RRP9: variants seen among roughly 807,000 people sequenced by gnomAD.
The protein encoded by RRP9 is ribosomal RNA processing 9, U3 small nucleolar RNA binding protein.
A neutral mutation model predicts 65.5 loss-of-function variants in RRP9; 35 were observed. The observed-to-expected ratio is 0.53, with a 90% CI of 0.41 to 0.71. RRP9 has a LOEUF of 0.71. Ranked by LOEUF, RRP9 falls within the 30% of genes least tolerant of loss-of-function variation. The pLI is 0.00. For synonymous variants in RRP9, 254 were observed against 245.0 expected, an observed-to-expected ratio of 1.04 and a Z score of -0.34; for missense variants, 533 against 633.6, an observed-to-expected ratio of 0.84 and a Z score of 1.70.
At chr3:51,936,398 TC>T (rs764509032) in intron 7 of RRP9, 32 bp downstream of exon 7, 2 of 1,613,994 alleles carry the variant, frequency 1.2e-6, no homozygotes, top group Non-Finnish European at 1.7e-6. Flanking sequence ...GCACCAGACC[TC>T]CCGCCTGCCC....
intron 14 of RRP9, 21 bp from the exon 15 acceptor site, chr3:51,933,620 A>C: frequency 6.2e-7 from 1 of 1,612,968 alleles, no homozygotes; most frequent in Middle Eastern, 1.7e-4. Flanking sequence ...TGCAAGACGC[A>C]GCTGAGACTC....
intron 2 of RRP9, among the ~76,000 whole-genome samples, chr3:51,940,930 T>C (rs1248871086): frequency 6.6e-6 from 1 of 152,178 alleles, no homozygotes; most frequent in Non-Finnish European, 1.5e-5. Flanking sequence ...CAAGACCCTA[T>C]TTAAATGTCC....
At position 51,933,727 on chromosome 3, in the gene RRP9, C is replaced by A; in HGVS notation, c.1315G>T (p.Gly439Trp). Residue 439 changes from glycine (G) to tryptophan (W), a missense_variant, in exon 14 of 15, where the codon GGG becomes TGG. Physicochemically the swap from Gly to Trp is radical, Grantham distance 184. Around this residue, in one of 3 missense-constraint regions of RRP9, gnomAD observed 449 missense variants for 550.6 expected, o/e 0.82. Transcript: ENST00000232888. ...FSSSGDFLVA[G>W]VGQEHRLGRW... ...ACATACCTGTGCTCCTGCCCTACCCCAGCCACCAGGAAGTCCCCAGAGCTG... is the reference window on the plus strand; with the variant it reads ...ACATACCTGTGCTCCTGCCCTACCCAAGCCACCAGGAAGTCCCCAGAGCTG... 1.2e-6 allele frequency: 2 copies of A among 1,614,138 alleles called. No homozygotes were observed. Among genetic ancestry groups the A allele is most frequent in the Non-Finnish European group, 1.7e-6 (2 of 1,180,008 alleles).
intron 2 of RRP9, 122 bp from the exon 3 acceptor site, chr3:51,938,326 C>G: frequency 1.4e-6 from 1 of 708,576 alleles, no homozygotes. Flanking sequence ...CCCACATGGT[C>G]GGTGACTACA....
rs969262018 is a variant in RRP9, at chr3:51,937,115, A to G, written c.517+77T>C. On this transcript the variant is annotated intron_variant, in intron 6 of 14. Coordinates refer to ENST00000232888, the MANE Select transcript of RRP9 (RefSeq NM_004704.5). This position sits in a 1 kb window ranked among gnomAD's most constrained non-coding sequence, Gnocchi z 5.0. ...TCCCCACTTCAGGGCTCAGCCTGCC[A>G]TGACCACTCCCACTCCCCTGACCAG... 6.4e-7 allele frequency: 1 copy of G among 1,566,996 alleles called. No homozygotes were observed. The highest frequency in any genetic ancestry group is 8.7e-7 in the Non-Finnish European group (1 of 1,147,666).
At position 51,937,568 on chromosome 3, in the gene RRP9, G is replaced by T; in HGVS notation, c.367C>A (p.Leu123Met). The T allele has an allele frequency of 6.2e-7, 1 of 1,614,208 alleles. No individual in the cohort carries two copies. Among genetic ancestry groups the T allele is most frequent in the Non-Finnish European group, 8.5e-7 (1 of 1,180,042 alleles). ...ACCTCTTTTGCCACCAACTTCTGCA[G>T]CCTGCCCCTCTGCTCAAGCTGCATG... is the stretch of plus-strand genomic sequence containing the variant. ...KEDVLEQRGR[L>M]QKLVAKEIQA... The change falls in exon 5 of 15, where the codon CTG becomes ATG. Residue 123 changes from leucine to methionine, a missense_variant. By Grantham distance (15) the Leu-to-Met change is conservative (BLOSUM62 2). Transcript: ENST00000232888. This position sits in a 1 kb window ranked among gnomAD's most constrained non-coding sequence, Gnocchi z 5.0.
chr3:51,938,353 G>A, intron 2 of RRP9, 149 bp from the exon 3 acceptor site: 1 of 626,600 alleles, frequency 1.6e-6, no homozygotes, highest in Non-Finnish European at 2.7e-6. Context: ...AAAACTGAAG[G>A]ATGTGACTCC....
rs1465744956 is a variant in RRP9, at chr3:51,938,174, C to G, written c.201G>C (p.Glu67Asp). ...SLAPRKPEEE[E>D]EEELEETAQE... The stretch of plus-strand genomic sequence containing the variant: ...GTGCAGTTTCCTCCAGCTCCTCCTC[C>G]TCCTCCTCCTCAGGCTTCCTTGGAG... Residue 67 changes from glutamate (E) to aspartate (D), a missense_variant, in exon 3 of 15, where the codon GAG becomes GAC. Physicochemically the swap from Glu to Asp is conservative, Grantham distance 45. Coordinates refer to ENST00000232888, the MANE Select transcript of RRP9 (RefSeq NM_004704.5). 6.3e-7 allele frequency: 1 copy of G among 1,584,260 alleles called. No individual in the cohort carries two copies. Among genetic ancestry groups the G allele is most frequent in the Non-Finnish European group, 8.6e-7 (1 of 1,167,552 alleles).
chr3:51,941,638 C>T, intron 1 of RRP9, 143 bp downstream of exon 1: 2 of 1,092,842 alleles, frequency 1.8e-6, no homozygotes, highest in Non-Finnish European at 2.7e-6. Flanking sequence ...TAGGATTTGG[C>T]CCGCGGAGAG....
rs746730765 is a variant in RRP9 at position 51,937,153 on chromosome 3, C to T, written c.517+39G>A. 1.7e-5 allele frequency: 27 copies of T among 1,608,762 alleles called. No individual in the cohort carries two copies. Among genetic ancestry groups the T allele is most frequent in the East Asian group, 1.3e-4 (6 of 44,780 alleles). On this transcript the variant is annotated intron_variant, in intron 6 of 14. Transcript: ENST00000232888. The surrounding 1 kb of genome is among the most constrained non-coding windows in gnomAD (Gnocchi z 5.0). The stretch of plus-strand genomic sequence containing the variant: ...CTCCCCTGACCAGCCCTCCCGGATC[C>T]GCCATGGGGGCTCCAGCCCCACCCA...
At chr3:51,941,625 T>C in intron 1 of RRP9, 134 bp from the exon 2 acceptor site, 1 of 1,109,010 alleles carries the variant, frequency 9.0e-7, no homozygotes. Flanking sequence ...GCGAACGGCT[T>C]TCTAGGATTT....
Position 51,934,760 on chromosome 3 carries a change from C to T in RRP9, c.1051G>A (p.Gly351Ser), listed in dbSNP as rs1699433576. Residue 351 changes from glycine to serine, a missense_variant, in exon 12 of 15, where the codon GGT (glycine) becomes AGT (serine). Gly to Ser is a moderately conservative substitution (Grantham distance 56). This residue lies in a region of RRP9 where 449 missense variants were observed against 550.6 expected (regional missense o/e 0.82). Transcript: ENST00000232888. This position sits in a 1 kb window ranked among gnomAD's most constrained non-coding sequence, Gnocchi z 4.1. The part of the protein sequence containing the change: ...GADDGSVALW[G>S]LSKKRPLALQ... ...GCAAGTGGTCGCTTCTTGGAGAGACCCCACAAGGCCACAGAGCTATAAACA... is the reference window on the plus strand; with the variant it reads ...GCAAGTGGTCGCTTCTTGGAGAGACTCCACAAGGCCACAGAGCTATAAACA... The T allele has an allele frequency of 6.2e-7, 1 of 1,613,648 alleles. No individual in the cohort carries two copies. Among genetic ancestry groups the T allele is most frequent in the African/African-American group, 1.3e-5 (1 of 74,996 alleles).
At chr3:51,941,556 C>A (rs572344257) in intron 1 of RRP9, 65 bp from the exon 2 acceptor site, 33 of 1,447,014 alleles carry the variant, frequency 2.3e-5, no homozygotes, top group Admixed American at 1.5e-4. Flanking sequence ...ACCAAGGGCC[C>A]CCCCCCCTCG....
Position 51,937,282 on chromosome 3 carries a change from G to C in RRP9, c.427C>G (p.Arg143Gly). 6.2e-7 allele frequency: 1 copy of C among 1,614,016 alleles called. No homozygotes were observed. The highest frequency in any genetic ancestry group is 2.2e-5 in the East Asian group (1 of 44,892). Residue 143 changes from arginine (R) to glycine (G), a missense_variant, in exon 6 of 15, where the codon CGG becomes GGG. Arg to Gly is a moderately radical substitution (Grantham distance 125, BLOSUM62 -2). Coordinates refer to ENST00000232888, the MANE Select transcript of RRP9 (RefSeq NM_004704.5). The surrounding 1 kb of genome is among the most constrained non-coding windows in gnomAD (Gnocchi z 5.0). ...APASADIRVL[R>G]GHQLSITCLV... ...CATGTGATAGAGAGCTGGTGCCCCCGTAAAACGCGAATGTCAGCTGAGGCT... is the reference window on the plus strand; with the variant it reads ...CATGTGATAGAGAGCTGGTGCCCCCCTAAAACGCGAATGTCAGCTGAGGCT...
Position 51,935,406 on chromosome 3 carries a change from G to C in RRP9, c.907C>G (p.Arg303Gly). The change falls in exon 10 of 15, where the codon CGG becomes GGG. Residue 303 changes from arginine to glycine, a missense_variant. Physicochemically the swap from Arg to Gly is moderately radical, Grantham distance 125 (BLOSUM62 -2). Around this residue, in one of 3 missense-constraint regions of RRP9, gnomAD observed 449 missense variants for 550.6 expected, o/e 0.82. Transcript: ENST00000232888. ...SRECCVTAGG[R>G]DGTVRVWKIP... ...TTCCACACACGTACAGTCCCATCCC[G>C]GCCCCCAGCCGTCACACAGCACTCC... 1 of 1,614,050 alleles carries C rather than the reference G, an allele frequency of 6.2e-7. No homozygotes were observed. The highest frequency in any genetic ancestry group is 2.2e-5 in the East Asian group (1 of 44,870).
Position 51,935,617 on chromosome 3 carries a change from C to A in RRP9, c.811G>T (p.Ala271Ser). ...AGCGTCTCCACGTAGGAGTTCTCTG[C>A]CACATTCCACACCTTCACGGAGCGA... ...HDRSVKVWNV[A>S]ENSYVETLFG... The change falls in exon 9 of 15, where the codon GCA (alanine) becomes TCA (serine). Residue 271 changes from alanine (A) to serine (S), a missense_variant. This residue lies in a region of RRP9 where 449 missense variants were observed against 550.6 expected (regional missense o/e 0.82). Coordinates refer to ENST00000232888, the MANE Select transcript of RRP9 (RefSeq NM_004704.5). The A allele has an allele frequency of 6.2e-7, 1 of 1,614,216 alleles. No individual in the cohort carries two copies. The highest frequency in any genetic ancestry group is 1.1e-5 in the South Asian group (1 of 91,086).
In RRP9 at chr3:51,937,274, G is replaced by A. The variant is rs774496491; in HGVS notation, c.435C>T (p.His145=). The A allele has an allele frequency of 6.2e-7, 1 of 1,614,170 alleles. No individual in the cohort carries two copies. Among genetic ancestry groups the A allele is most frequent in the Non-Finnish European group, 8.5e-7 (1 of 1,180,026 alleles). ...CGACCAAACATGTGATAGAGAGCTG[G>A]TGCCCCCGTAAAACGCGAATGTCAG... ...ASADIRVLRG[H]QLSITCLVVT... Residue 145 remains histidine (H), a synonymous_variant, in exon 6 of 15, where the codon CAC becomes CAT. Transcript: ENST00000232888. This position sits in a 1 kb window ranked among gnomAD's most constrained non-coding sequence, Gnocchi z 5.0.
Position 51,941,469 on chromosome 3 carries a change from C to A in RRP9, c.110G>T (p.Gly37Val), listed in dbSNP as rs143239259. 6.2e-7 allele frequency: 1 copy of A among 1,614,062 alleles called. No individual in the cohort carries two copies. The highest frequency in any genetic ancestry group is 1.1e-5 in the South Asian group (1 of 91,086). ...RRKADSAGDR[G>V]KSKGGGKMNE... ...CATCTTGCCGCCACCCTTGGATTTG[C>A]CCCTGTCCCCCGCAGAGTCGGCCTG... is the stretch of plus-strand genomic sequence containing the variant. The change falls in exon 2 of 15, where the codon GGC (glycine) becomes GTC (valine). Residue 37 changes from glycine (G) to valine (V), a missense_variant. This residue lies in a region of RRP9 where 77 missense variants were observed against 60.5 expected (regional missense o/e 1.27). Coordinates refer to ENST00000232888, the MANE Select transcript of RRP9 (RefSeq NM_004704.5).
At position 51,937,812 on chromosome 3, in the gene RRP9, G is replaced by T; in HGVS notation, c.281-76C>A. 6.5e-7 allele frequency: 1 copy of T among 1,545,572 alleles called. No individual in the cohort carries two copies. Among genetic ancestry groups the T allele is most frequent in the Non-Finnish European group, 8.9e-7 (1 of 1,125,350 alleles). On this transcript the variant is annotated intron_variant, in intron 3 of 14. Transcript: ENST00000232888. This position sits in a 1 kb window ranked among gnomAD's most constrained non-coding sequence, Gnocchi z 5.0. ...CCTTCCATCCTGTCCCCATCCCACTGCCCCAGGGCTGGATAATGCAGGAAG... is the reference window on the plus strand; with the variant it reads ...CCTTCCATCCTGTCCCCATCCCACTTCCCCAGGGCTGGATAATGCAGGAAG...
Sources: gnomAD v4.1 joint callset for allele counts (sites outside exome capture counted in the v4.1 genomes callset) on GRCh38, gnomAD v4.1.1 for gene constraint, gnomAD v4.1.1 regional missense constraint, Gnocchi (gnomAD v3.1) non-coding constraint, MANE v1.5 for transcripts, NCBI Gene and HGNC (gene_info 2026-07-23, HGNC 2026-07-21) for gene names.